The following RNF38 variants were observed in gnomAD, a reference collection of about 807,000 sequenced individuals.
The protein encoded by RNF38 is ring finger protein 38, also known as E3 ubiquitin-protein ligase RNF38.
RNF38 carries 15 observed loss-of-function variants against 67.2 expected under a neutral mutation model. The observed-to-expected ratio is 0.22, with a 90% CI of 0.15 to 0.34. RNF38 has a LOEUF of 0.34. Ranked by LOEUF, RNF38 falls within the 10% of genes least tolerant of loss-of-function variation. RNF38 has a pLI of 1.00. For missense variants in RNF38, 524 were observed against 639.9 expected (o/e 0.82, Z 1.95); for synonymous variants, 220 against 218.8 (o/e 1.01, Z -0.05).
chr9:36,385,885 A>C (rs145368196), intron 2 of RNF38, among the ~76,000 whole-genome samples: 201 of 152,320 alleles, frequency 1.3e-3, no homozygotes, highest in African/African-American at 4.5e-3. Flanking sequence ...CTCATCTGCC[A>C]TATTTACCTG....
At chr9:36,451,739 A>G (rs1030970230) in intron 1 of RNF38, among the ~76,000 whole-genome samples, 2 of 151,282 alleles carry the variant, frequency 1.3e-5, no homozygotes, top group Non-Finnish European at 2.9e-5. Flanking sequence ...ACCTCAGGTG[A>G]TCCGCCCACC....
intron 1 of RNF38, among the ~76,000 whole-genome samples, chr9:36,440,612 A>G (rs189872534): frequency 2.4e-4 from 36 of 152,318 alleles, no homozygotes; most frequent in African/African-American, 8.2e-4. Flanking sequence ...AAGTGGAAAA[A>G]AAAAGCAAGT....
chr9:36,477,735 T>C (rs1416468154), intron 1 of RNF38, among the ~76,000 whole-genome samples: 1 of 145,450 alleles, frequency 6.9e-6, no homozygotes. Flanking sequence ...GGCAGGAGAA[T>C]GGCGTGAACC....
chr9:36,367,536 T>G (rs946929099), intron 4 of RNF38, among the ~76,000 whole-genome samples: 1 of 152,182 alleles, frequency 6.6e-6, no homozygotes, highest in Admixed American at 6.5e-5. Context: ...AATACATCAC[T>G]AGGTATATTA....
chr9:36,348,310 A>C (rs1300879932), intron 9 of RNF38, among the ~76,000 whole-genome samples: 1 of 151,994 alleles, frequency 6.6e-6, no homozygotes, highest in Non-Finnish European at 1.5e-5. Flanking sequence ...GAAAAAAAAA[A>C]AAATCCACAA....
At chr9:36,413,832 TCAGTGGAGTATTGA>T in intron 2 of RNF38, among the ~76,000 whole-genome samples, 1 of 152,246 alleles carries the variant, frequency 6.6e-6, no homozygotes, top group Non-Finnish European at 1.5e-5. Context: ...TCTAGTGCTG[TCAGTGGAGTATTGA>T]AGTCCTCCAC....
rs970548649 is a variant in RNF38, at chr9:36,339,422, A to G, written c.*330T>C. On this transcript the variant is annotated 3_prime_UTR_variant, in exon 12 of 12. Coordinates refer to ENST00000259605, the MANE Select transcript of RNF38 (RefSeq NM_022781.5). ...ATCATCTGTAGCTACCACTTTTTAT[A>G]AAAGCACATGCTAAAAGATCACGTC... 2 of 284,944 alleles carry G rather than the reference A, an allele frequency of 7.0e-6. No individual in the cohort carries two copies. Among genetic ancestry groups the G allele is most frequent in the Non-Finnish European group, 1.4e-5 (2 of 147,626 alleles). The allele number at this position is 284,944 out of a possible 1,614,324, so 17.7% of individuals were successfully genotyped here. A position where few individuals can be genotyped will look rare whatever the true frequency, so the allele number is the denominator to read the frequency against.
chr9:36,397,081 G>GTGTGTATA (rs147500340), intron 1 of RNF38, among the ~76,000 whole-genome samples: 10 of 141,670 alleles, frequency 7.1e-5, no homozygotes, highest in Admixed American at 2.1e-4. Context: ...ATGTGTGTGT[G>GTGTGTATA]TATATATATA....
At position 36,408,292 on chromosome 9, in the gene RNF38, C is replaced by CT. The variant is rs144757231; in HGVS notation, n.312+16320dup. 5.3e-3 allele frequency among the ~76,000 whole-genome samples: 745 copies of CT among 140,002 alleles called. 24 individuals carry two copies. In the East Asian group the frequency reaches 0.088, roughly 17 times the overall value. The allele number at this position is 140,002 out of a possible 152,430, so 91.8% of individuals were successfully genotyped here. Reference sequence around the variant, plus strand: ...TTTTTTTTTTTTTTTTTTGTAGAGACTAGGTTTCACCATGTTGCCAAGGCT... The same window carrying CT: ...TTTTTTTTTTTTTTTTTTGTAGAGACTTAGGTTTCACCATGTTGCCAAGGCT... On this transcript the variant is annotated intron_variant and non_coding_transcript_variant, in intron 2 of 3. Coordinates refer to the RNF38 transcript ENST00000488058.
chr9:36,445,104 G>T (rs528348355), intron 1 of RNF38, among the ~76,000 whole-genome samples: 3 of 152,294 alleles, frequency 2.0e-5, no homozygotes, highest in South Asian at 2.1e-4. Flanking sequence ...ACACTTCACC[G>T]TCTTTTGCGA....
intron 1 of RNF38, among the ~76,000 whole-genome samples, chr9:36,446,510 T>C (rs1033553313): frequency 2.0e-5 from 3 of 152,108 alleles, no homozygotes; most frequent in East Asian, 1.9e-4. Context: ...CTTTATTAAG[T>C]TGAAATACAC....
At chr9:36,400,053 T>C in intron 1 of RNF38, 44 bp downstream of exon 1, 3 of 1,579,986 alleles carry the variant, frequency 1.9e-6, no homozygotes, top group Non-Finnish European at 2.6e-6. Flanking sequence ...TTTTACTGAA[T>C]AATAGCATAT....
At position 36,466,242 on chromosome 9, in the gene RNF38, A is replaced by T. The variant is rs183493011; in HGVS notation, n.241+21066T>A. ...AGAAAGTAGATAGCTGTTGCCTAGG[A>T]CTGAGATGGGAGGAAATGGAGAGTG... On this transcript the variant is annotated intron_variant and non_coding_transcript_variant, in intron 1 of 3. Transcript: ENST00000488058. 5.3e-3 allele frequency among the ~76,000 whole-genome samples: 808 copies of T among 152,296 alleles called. 5 individuals are homozygous for T. Among genetic ancestry groups the T allele is most frequent in the African/African-American group, 0.018 (749 of 41,556 alleles).
At chr9:36,438,677 A>C (rs1318377374) in intron 1 of RNF38, among the ~76,000 whole-genome samples, 2 of 152,202 alleles carry the variant, frequency 1.3e-5, no homozygotes, top group African/African-American at 4.8e-5. Flanking sequence ...TAGCACACTC[A>C]GGCATTTACT....
intron 2 of RNF38, among the ~76,000 whole-genome samples, chr9:36,378,057 A>AT (rs376691343): frequency 0.032 from 4,830 of 151,430 alleles, 243 homozygotes; most frequent in African/African-American, 0.1. Context: ...AAATATTCTG[A>AT]TTTTTTTTAA....
chr9:36,358,930 G>A (rs184881310), intron 4 of RNF38, among the ~76,000 whole-genome samples: 2,025 of 152,310 alleles, frequency 0.013, 32 homozygotes, highest in South Asian at 0.047. Context: ...AGAATCACTT[G>A]AACCTGGGAG....
chr9:36,426,905 C>A (rs1838786947), intron 1 of RNF38, among the ~76,000 whole-genome samples: 1 of 152,172 alleles, frequency 6.6e-6, no homozygotes, highest in South Asian at 2.1e-4. Context: ...CAGAGCTGTT[C>A]TGAGAGATAT....
At chr9:36,420,465 G>C (rs1838592113) in intron 2 of RNF38, among the ~76,000 whole-genome samples, 1 of 142,806 alleles carries the variant, frequency 7.0e-6, no homozygotes, top group African/African-American at 2.6e-5. Context: ...CCAGGAGGCA[G>C]AGCTTGCAGT....
At chr9:36,476,519 C>CTTTTTTTT (rs67780076) in intron 1 of RNF38, among the ~76,000 whole-genome samples, 1 of 94,132 alleles carries the variant, frequency 1.1e-5, no homozygotes, top group African/African-American at 4.0e-5. Context: ...ATCGGGCAAT[C>CTTTTTTTT]TTTTTTTTTT....
Sources: gnomAD v4.1 joint callset for allele counts (sites outside exome capture counted in the v4.1 genomes callset) on GRCh38, gnomAD v4.1.1 for gene constraint, MANE v1.5 for transcripts, NCBI Gene and HGNC (gene_info 2026-07-23, HGNC 2026-07-21) for gene names.